Variants in GLMN observed in about 807,000 individuals in gnomAD.
GLMN encodes glomulin.
Under a neutral mutation model 87.8 loss-of-function variants are expected in GLMN, and 75 were observed. That is an observed-to-expected ratio of 0.85 (90% CI 0.71 to 1.04). The LOEUF (loss-of-function observed/expected upper bound fraction) is 1.04. GLMN is among the 50% of genes least tolerant of loss of function. The probability of loss-of-function intolerance (pLI) is 0.00; values close to 1 mark genes in which losing one functional copy is unlikely to be tolerated. For missense variants in GLMN, 588 were observed against 658.8 expected (o/e 0.89, Z 1.18); for synonymous variants, 206 against 221.6 (o/e 0.93, Z 0.63).
chr1:92,304,157 A>G, the GLMN span: 3 of 1,249,772 alleles, frequency 2.4e-6, no homozygotes, highest in Non-Finnish European at 3.5e-6. Flanking sequence ...TAAGAAATAA[A>G]ACCTAAGGTC....
chr1:92,285,110 C>T (rs1274240055), intron 7 of GLMN, among the ~76,000 whole-genome samples: 2 of 152,160 alleles, frequency 1.3e-5, no homozygotes, highest in South Asian at 4.1e-4. Context: ...CATCCCAATA[C>T]TGGGTATATA....
At chr1:92,351,328 AGAAAG>A in the GLMN span, among the ~76,000 whole-genome samples, 2 of 141,470 alleles carry the variant, frequency 1.4e-5, no homozygotes, top group African/African-American at 2.7e-5. Context: ...AAAAAAAAAA[AGAAAG>A]GACCATAATG....
the GLMN span, among the ~76,000 whole-genome samples, chr1:92,340,949 T>A: frequency 6.6e-6 from 1 of 152,210 alleles, no homozygotes; most frequent in African/African-American, 2.4e-5. Flanking sequence ...ATTTAATCAG[T>A]GATGAATCAA....
At chr1:92,314,354 T>G in the GLMN span, among the ~76,000 whole-genome samples, 6 of 151,526 alleles carry the variant, frequency 4.0e-5, no homozygotes, top group Non-Finnish European at 7.4e-5. Context: ...TTTTTGGGTT[T>G]TTTTTTTTTT....
chr1:92,289,475 A>C (rs1470959404), intron 5 of GLMN, among the ~76,000 whole-genome samples: 1 of 152,210 alleles, frequency 6.6e-6, no homozygotes, highest in Non-Finnish European at 1.5e-5. Context: ...ACTATAAAGC[A>C]CTACACAAAT....
intron 3 of GLMN, 42 bp downstream of exon 3, chr1:92,297,362 C>G (rs1650215717): frequency 6.2e-7 from 1 of 1,606,078 alleles, no homozygotes; most frequent in African/African-American, 1.3e-5. Flanking sequence ...TGTGATTATT[C>G]TCTTCCCAAG....
chr1:92,298,882 C>T lies in GLMN; in HGVS notation c.-31+43G>A, dbSNP rs978577728. 13 of 407,562 alleles carry T rather than the reference C, an allele frequency of 3.2e-5. No individual in the cohort carries two copies. The Admixed American group carries it at 5.3e-4, about 17-fold the overall frequency. 25.2% of individuals were successfully genotyped at this position (407,562 alleles called of 1,614,324 possible). On this transcript the variant is annotated intron_variant, in intron 1 of 18. Transcript: ENST00000370360. ...AAGTCCGCCGCGGCTCACGGCCAACCGCGAGCCCTGGCCACCCTGAACCTC... is the reference window on the plus strand; with the variant it reads ...AAGTCCGCCGCGGCTCACGGCCAACTGCGAGCCCTGGCCACCCTGAACCTC...
At chr1:92,305,493 T>A in the GLMN span, among the ~76,000 whole-genome samples, 1 of 127,590 alleles carries the variant, frequency 7.8e-6, no homozygotes, top group African/African-American at 3.2e-5. Flanking sequence ...AGAGACTTCA[T>A]AAAATAAGAT....
Position 92,265,335 on chromosome 1 carries a change from A to AC in GLMN, c.1215-698_1215-697insG, listed in dbSNP as rs1457906283. Among the ~76,000 whole-genome samples, 410 of 151,260 alleles carry AC rather than the reference A, an allele frequency of 2.7e-3. 1 individual carries two copies. Among genetic ancestry groups the AC allele is most frequent in the Admixed American group, 3.8e-3 (58 of 15,200 alleles). ...AGTAGCTTAATTGCAAAAAAAAAAA[A>AC]AAAACTAGATATGACTAGCTTAAGA... On this transcript the variant is annotated intron_variant, in intron 13 of 18. Transcript: ENST00000370360.
At chr1:92,319,109 C>T in the GLMN span, among the ~76,000 whole-genome samples, 6 of 152,036 alleles carry the variant, frequency 3.9e-5, no homozygotes, top group Admixed American at 1.3e-4. Context: ...AGGGATTAGC[C>T]TCAAATGCCT....
the GLMN span, among the ~76,000 whole-genome samples, chr1:92,327,802 T>G: frequency 6.6e-6 from 1 of 152,184 alleles, no homozygotes; most frequent in Non-Finnish European, 1.5e-5. Flanking sequence ...TTTCCAGGAT[T>G]TGTTTCAAGA....
the GLMN span, among the ~76,000 whole-genome samples, chr1:92,317,301 A>T: frequency 1.5e-4 from 23 of 152,008 alleles, no homozygotes; most frequent in African/African-American, 5.3e-4. Flanking sequence ...GAGGTCAGGA[A>T]TTCGAGACCA....
the GLMN span, among the ~76,000 whole-genome samples, chr1:92,338,383 G>A: frequency 1.3e-5 from 2 of 152,210 alleles, no homozygotes; most frequent in Admixed American, 6.5e-5. Flanking sequence ...GAACTTGTCT[G>A]CATGCTGTGT....
chr1:92,299,550 T>TC (rs1381856959), upstream of GLMN, among the ~76,000 whole-genome samples: 1 of 152,004 alleles, frequency 6.6e-6, no homozygotes. Flanking sequence ...ACTCCCCTCT[T>TC]CCCCCAGAGA....
chr1:92,314,318 TTGTTGC>T, the GLMN span, among the ~76,000 whole-genome samples: 1 of 152,004 alleles, frequency 6.6e-6, no homozygotes, highest in African/African-American at 2.4e-5. Flanking sequence ...TTTTTTGTTG[TTGTTGC>T]TGTTGCTGTT....
At chr1:92,326,589 G>A in the GLMN span, among the ~76,000 whole-genome samples, 1 of 152,272 alleles carries the variant, frequency 6.6e-6, no homozygotes, top group Admixed American at 6.5e-5. Context: ...TGGGGGCAGG[G>A]CTATGTGCGT....
intron 17 of GLMN, 37 bp from the exon 18 acceptor site, chr1:92,247,181 C>T: frequency 1.0e-6 from 1 of 964,974 alleles, no homozygotes; most frequent in Non-Finnish European, 1.7e-6. Flanking sequence ...ACACTTAACT[C>T]TCAGATTTCA....
chr1:92,299,051 C>G (rs978208827), upstream of GLMN: 253 of 1,400,390 alleles, frequency 1.8e-4, 1 homozygote, highest in Middle Eastern at 9.5e-4. Flanking sequence ...AGCGTGTCCC[C>G]GTCCGGCAGA....
chr1:92,299,561 G>A (rs1300121952), upstream of GLMN, among the ~76,000 whole-genome samples: 4 of 152,178 alleles, frequency 2.6e-5, no homozygotes, highest in Admixed American at 6.5e-5. Context: ...CCCCCAGAGA[G>A]GACGTTTGGC....
Sources: gnomAD v4.1 joint callset for allele counts (sites outside exome capture counted in the v4.1 genomes callset) on GRCh38, gnomAD v4.1.1 for gene constraint, MANE v1.5 for transcripts, NCBI Gene and HGNC (gene_info 2026-07-23, HGNC 2026-07-21) for gene names.